The following SPAG6 variants were observed in gnomAD, a reference collection of about 807,000 sequenced individuals.
SPAG6 encodes the protein sperm associated antigen 6, also known as sperm-associated antigen 6.
Under a neutral mutation model 58.5 loss-of-function variants are expected in SPAG6, and 49 were observed. The ratio of observed to expected loss-of-function variants is 0.84; its 90% CI spans 0.67 to 1.06. SPAG6 has a LOEUF of 1.06. SPAG6 is among the 50% of genes least tolerant of loss of function. The probability of loss-of-function intolerance (pLI) is 0.00; values close to 1 mark genes in which losing one functional copy is unlikely to be tolerated. For missense variants in SPAG6, 560 were observed against 611.3 expected (o/e 0.92, Z 0.89); for synonymous variants, 233 against 225.6 (o/e 1.03, Z -0.29).
intron 3 of SPAG6, among the ~76,000 whole-genome samples, chr10:22,367,252 A>C (rs1307518833): frequency 6.6e-6 from 1 of 152,170 alleles, no homozygotes; most frequent in Non-Finnish European, 1.5e-5. Context: ...CCACATTTGT[A>C]AGAAAATAAT....
intron 2 of SPAG6, among the ~76,000 whole-genome samples, chr10:22,357,719 A>T (rs1588636708): frequency 1.4e-5 from 2 of 145,076 alleles, no homozygotes; most frequent in African/African-American, 5.1e-5. Context: ...TATCTCCTAA[A>T]GCTATCCCTC....
At chr10:22,364,053 A>G (rs1434163001) in intron 2 of SPAG6, among the ~76,000 whole-genome samples, 10 of 152,328 alleles carry the variant, frequency 6.6e-5, no homozygotes, top group South Asian at 2.1e-4. Flanking sequence ...TGCAAATACT[A>G]TTGGTGTCTC....
In SPAG6 at chr10:22,345,701, C is replaced by T. The variant is rs752878259; in HGVS notation, c.26-22C>T. ...CGAGGAGACCCGGGTGCGGTGGGCT[C>T]CACCGACTCTCTCTCCCGCAGTGTT... On this transcript the variant is annotated intron_variant, in intron 1 of 10. Transcript: ENST00000376624. The surrounding 1 kb of genome is among the most constrained non-coding windows in gnomAD (Gnocchi z 6.3). 1.2e-6 allele frequency: 2 copies of T among 1,602,748 alleles called. No homozygotes were observed. Among genetic ancestry groups the T allele is most frequent in the Non-Finnish European group, 1.7e-6 (2 of 1,175,090 alleles).
At chr10:22,370,110 A>G (rs1833649169) in intron 4 of SPAG6, among the ~76,000 whole-genome samples, 1 of 152,246 alleles carries the variant, frequency 6.6e-6, no homozygotes, top group Non-Finnish European at 1.5e-5. Flanking sequence ...AGTGATTATA[A>G]TGTTAAAAAA....
At chr10:22,360,559 A>G (rs895710466) in intron 2 of SPAG6, among the ~76,000 whole-genome samples, 8 of 152,112 alleles carry the variant, frequency 5.3e-5, no homozygotes, top group African/African-American at 1.9e-4. Flanking sequence ...GTATGGGAGC[A>G]TTGTATAGAT....
At chr10:22,377,723 A>G (rs1483714971) in intron 4 of SPAG6, among the ~76,000 whole-genome samples, 2 of 152,206 alleles carry the variant, frequency 1.3e-5, no homozygotes, top group South Asian at 2.1e-4. Flanking sequence ...TAAAAACATG[A>G]CATCTACATA....
chr10:22,374,447 T>C (rs1040929260), intron 4 of SPAG6, among the ~76,000 whole-genome samples: 1 of 151,982 alleles, frequency 6.6e-6, no homozygotes, highest in Non-Finnish European at 1.5e-5. Flanking sequence ...TATAATGCAT[T>C]GAGTGACTAT....
chr10:22,390,612 A>G lies in SPAG6; in HGVS notation c.1006-1117A>G, dbSNP rs554516663. Among the ~76,000 whole-genome samples, 3 of 152,322 alleles carry G rather than the reference A, an allele frequency of 2.0e-5. 1 individual carries two copies. The highest frequency in any genetic ancestry group is 7.2e-5 in the African/African-American group (3 of 41,560). On this transcript the variant is annotated intron_variant, in intron 7 of 10. Coordinates refer to ENST00000376624, the MANE Select transcript of SPAG6 (RefSeq NM_012443.4). Reference sequence around the variant, plus strand: ...TTCCTTATCTTATTTGTTATTCATTATAATTGAGGCCAACAAGTCAGAGCT... The same window carrying G: ...TTCCTTATCTTATTTGTTATTCATTGTAATTGAGGCCAACAAGTCAGAGCT...
At chr10:22,395,868 A>G (rs1433402203) in intron 8 of SPAG6, among the ~76,000 whole-genome samples, 2 of 152,240 alleles carry the variant, frequency 1.3e-5, no homozygotes, top group Non-Finnish European at 1.5e-5. Context: ...GAACAAAAAT[A>G]ACTTTCTGAA....
intron 2 of SPAG6, among the ~76,000 whole-genome samples, chr10:22,354,269 C>A (rs771217453): frequency 6.6e-6 from 1 of 152,166 alleles, no homozygotes; most frequent in Non-Finnish European, 1.5e-5. Context: ...GTAACATCTG[C>A]AGGACTTGGT....
rs1310399130 is a variant in SPAG6 at position 22,387,813 on chromosome 10, TGC to T, written c.679-9_679-8del. On this transcript the variant is annotated splice_polypyrimidine_tract_variant and splice_region_variant and intron_variant, in intron 5 of 10. Transcript: ENST00000376624. Reference sequence around the variant, plus strand: ...TGTTTTGTTGTTGTTGTTTTTTTTTTGCTTCACAGCATCAGATCCTTTCAGCT... The same window carrying T: ...TGTTTTGTTGTTGTTGTTTTTTTTTTTTCACAGCATCAGATCCTTTCAGCT... 5 of 1,592,464 alleles carry T rather than the reference TGC, an allele frequency of 3.1e-6. No individual in the cohort carries two copies. Among genetic ancestry groups the T allele is most frequent in the African/African-American group, 1.4e-5 (1 of 73,244 alleles).
intron 8 of SPAG6, among the ~76,000 whole-genome samples, chr10:22,394,085 G>T (rs1834240495): frequency 2.0e-5 from 3 of 152,012 alleles, no homozygotes; most frequent in Admixed American, 1.3e-4. Context: ...TTTAAATTGG[G>T]TTACTTATCT....
intron 6 of SPAG6, 44 bp from the exon 7 acceptor site, chr10:22,389,116 C>T (rs1338630555): frequency 1.9e-6 from 3 of 1,569,870 alleles, no homozygotes; most frequent in Admixed American, 3.4e-5. Flanking sequence ...ATTTAAAGAC[C>T]ATCATAGGGT....
chr10:22,350,606 C>G (rs1420947901), intron 2 of SPAG6, among the ~76,000 whole-genome samples: 1 of 152,088 alleles, frequency 6.6e-6, no homozygotes, highest in Non-Finnish European at 1.5e-5. Context: ...GTTTCAGGAC[C>G]TTTGCACTTC....
chr10:22,413,402 G>T (rs1480509496), intron 10 of SPAG6, among the ~76,000 whole-genome samples: 1 of 151,864 alleles, frequency 6.6e-6, no homozygotes, highest in Admixed American at 6.6e-5. Flanking sequence ...GCATGGTGGC[G>T]GGCGCCTGTA....
chr10:22,380,262 C>T (rs1833918532), intron 4 of SPAG6, among the ~76,000 whole-genome samples: 1 of 152,036 alleles, frequency 6.6e-6, no homozygotes, highest in Admixed American at 6.6e-5. Context: ...ACATTAATAT[C>T]ATATAAGTGG....
intron 9 of SPAG6, among the ~76,000 whole-genome samples, chr10:22,405,562 C>A (rs1260821515): frequency 1.3e-5 from 2 of 150,048 alleles, no homozygotes; most frequent in Admixed American, 1.3e-4. Flanking sequence ...AGGATTTTTG[C>A]ATCAATGTTC....
At chr10:22,416,035 GATTA>G (rs1390548442) in intron 10 of SPAG6, among the ~76,000 whole-genome samples, 1 of 152,038 alleles carries the variant, frequency 6.6e-6, no homozygotes, top group Non-Finnish European at 1.5e-5. Flanking sequence ...TAGTAAAAAT[GATTA>G]ATTTCCTAGG....
intron 9 of SPAG6, among the ~76,000 whole-genome samples, chr10:22,407,671 C>T (rs1175059432): frequency 3.3e-5 from 5 of 152,060 alleles, no homozygotes; most frequent in Non-Finnish European, 7.4e-5. Context: ...TTTCCTGAAT[C>T]TCAATGTTGG....
Sources: allele counts gnomAD v4.1 joint callset (sites outside exome capture counted in the v4.1 genomes callset), GRCh38; gene constraint gnomAD v4.1.1; non-coding constraint Gnocchi (gnomAD v3.1); transcripts MANE v1.5; gene names NCBI Gene and HGNC (gene_info 2026-07-23, HGNC 2026-07-21).